The following IFT88 variants were observed in gnomAD, a reference collection of about 807,000 sequenced individuals.
IFT88 encodes intraflagellar transport 88.
A neutral mutation model predicts 119.5 loss-of-function variants in IFT88; 74 were observed. That is an observed-to-expected ratio of 0.62 (90% confidence interval 0.51 to 0.75). The LOEUF is 0.75. Among genes scored for constraint, IFT88 ranks in the 30% least tolerant of loss-of-function variants. IFT88 has a pLI of 0.00. For synonymous variants in IFT88, 279 were observed against 316.7 expected (o/e 0.88, Z 1.26); for missense variants, 961 against 977.7 (o/e 0.98, Z 0.23).
At chr13:20,608,033 C>G (rs1215398212) in intron 13 of IFT88, 1 of 559,034 alleles carries the variant, frequency 1.8e-6, no homozygotes, top group Admixed American at 2.3e-5. Context: ...AGAAGCCCCA[C>G]CAATGGCCTC....
At chr13:20,618,571 A>C (rs1364709162) in intron 14 of IFT88, among the ~76,000 whole-genome samples, 1 of 152,192 alleles carries the variant, frequency 6.6e-6, no homozygotes, top group Non-Finnish European at 1.5e-5. Context: ...TATAAATCCC[A>C]CATACAGCTC....
chr13:20,604,825 T>G (rs535297817), intron 12 of IFT88, among the ~76,000 whole-genome samples: 3 of 152,128 alleles, frequency 2.0e-5, no homozygotes, highest in Admixed American at 6.5e-5. Flanking sequence ...CATCATGGCA[T>G]GCCCCTGTAG....
chr13:20,641,139 C>A (rs1425226782), intron 17 of IFT88, 151 bp from the exon 18 acceptor site: 2 of 541,856 alleles, frequency 3.7e-6, no homozygotes, highest in South Asian at 2.5e-5. Context: ...AGGAGTGAGA[C>A]CCTGTATCAA....
chr13:20,568,730 CT>C (rs1239240227), intron 1 of IFT88, among the ~76,000 whole-genome samples: 3 of 149,418 alleles, frequency 2.0e-5, no homozygotes, highest in Non-Finnish European at 1.5e-5. Context: ...CTTTTTTTTT[CT>C]TTTTGAGACG....
chr13:20,613,417 A>T (rs951360824), intron 13 of IFT88, among the ~76,000 whole-genome samples: 3 of 93,766 alleles, frequency 3.2e-5, no homozygotes, highest in Non-Finnish European at 6.9e-5. Flanking sequence ...GTATGCTATA[A>T]TAAAAAAGAA....
At chr13:20,596,656 A>T (rs756102053) in intron 8 of IFT88, among the ~76,000 whole-genome samples, 3 of 152,156 alleles carry the variant, frequency 2.0e-5, no homozygotes, top group Non-Finnish European at 2.9e-5. Context: ...GCTTTTTGGG[A>T]ATCTAACTTG....
intron 1 of IFT88, chr13:20,567,732 A>G: frequency 7.7e-7 from 1 of 1,297,954 alleles, no homozygotes; most frequent in Non-Finnish European, 9.8e-7. Flanking sequence ...GTACACAACA[A>G]TGCAGAAAGC....
rs1036771354 is a variant in IFT88, at chr13:20,605,031, C to G, written c.1042-4C>G. On this transcript the variant is annotated splice_polypyrimidine_tract_variant and splice_region_variant and intron_variant, in intron 12 of 25. Transcript: ENST00000351808. The stretch of plus-strand genomic sequence containing the variant: ...TCTTTTTTTCTTCCATTTTATTTTA[C>G]CAGGATGATCCTCATACTAACTTAG... The G allele has an allele frequency of 4.4e-6, 6 of 1,367,608 alleles. No individual in the cohort carries two copies. Among genetic ancestry groups the G allele is most frequent in the Non-Finnish European group, 6.2e-6 (6 of 966,142 alleles). The allele number at this position is 1,367,608 out of a possible 1,614,324, so 84.7% of individuals were successfully genotyped here.
chr13:20,656,988 A>G lies in IFT88; in HGVS notation c.2068+558A>G, dbSNP rs377341363. On this transcript the variant is annotated intron_variant, in intron 22 of 25. Coordinates refer to ENST00000351808, the MANE Select transcript of IFT88 (RefSeq NM_006531.5). ...ATTCTCCTGCCTCAGCCTCCCTAGT[A>G]GCTGGGACTCTAGGCGCGCACCACC... Among the ~76,000 whole-genome samples, 85 of 152,146 alleles carry G rather than the reference A, an allele frequency of 5.6e-4. 1 individual carries two copies. The South Asian group carries it at 0.016, about 29-fold the overall frequency.
intron 21 of IFT88, 145 bp downstream of exon 21, chr13:20,654,073 A>G: frequency 4.7e-6 from 2 of 428,718 alleles, no homozygotes; most frequent in Non-Finnish European, 8.3e-6. Flanking sequence ...CATTGTATGA[A>G]AAACACAATA....
intron 2 of IFT88, among the ~76,000 whole-genome samples, chr13:20,580,388 G>C (rs925006590): frequency 1.1e-4 from 16 of 152,034 alleles, no homozygotes; most frequent in African/African-American, 3.9e-4. Flanking sequence ...GTGGTGGCGG[G>C]CACCTGTAAT....
chr13:20,655,026 A>T (rs533156013), intron 21 of IFT88, among the ~76,000 whole-genome samples: 1 of 152,300 alleles, frequency 6.6e-6, no homozygotes, highest in East Asian at 1.9e-4. Context: ...CTCATTTGCT[A>T]AGATTTTAGG....
chr13:20,618,383 A>G lies in IFT88; in HGVS notation c.1199+2504A>G, dbSNP rs181563997. Among the ~76,000 whole-genome samples the G allele has an allele frequency of 1.4e-3, 211 of 152,278 alleles. No homozygotes were observed. The Middle Eastern group carries it at 0.031, about 22-fold the overall frequency. On this transcript the variant is annotated intron_variant, in intron 14 of 25. Transcript: ENST00000351808. ...TTTACATTTGTGTCAAGCCTCCCCA[A>G]GTGATTCTGATACCTACTATACTGT...
intron 9 of IFT88, among the ~76,000 whole-genome samples, chr13:20,597,690 G>T (rs2041942279): frequency 6.6e-6 from 1 of 151,084 alleles, no homozygotes; most frequent in South Asian, 2.1e-4. Context: ...CTTGCGGCGA[G>T]CCAAGATCTT....
intron 14 of IFT88, among the ~76,000 whole-genome samples, chr13:20,623,302 T>G (rs111529235): frequency 8.1e-4 from 124 of 152,342 alleles, no homozygotes; most frequent in African/African-American, 2.9e-3. Flanking sequence ...TGGAGTCCCT[T>G]GAAATTGCGT....
intron 23 of IFT88, among the ~76,000 whole-genome samples, chr13:20,666,818 T>C (rs1037885206): frequency 6.6e-6 from 1 of 152,138 alleles, no homozygotes; most frequent in African/African-American, 2.4e-5. Flanking sequence ...CAAAAATATA[T>C]AAAGAAAAAA....
At chr13:20,594,285 T>C (rs1593945577) in intron 7 of IFT88, among the ~76,000 whole-genome samples, 1 of 152,136 alleles carries the variant, frequency 6.6e-6, no homozygotes, top group East Asian at 1.9e-4. Flanking sequence ...GTAACTGATA[T>C]AGTCTAGAGG....
Position 20,598,692 on chromosome 13 carries a change from G to A in IFT88, c.636G>A (p.Met212Ile), listed in dbSNP as rs760893377. 5.0e-6 allele frequency: 8 copies of A among 1,611,302 alleles called. No individual in the cohort carries two copies. Among genetic ancestry groups the A allele is most frequent in the South Asian group, 2.2e-5 (2 of 90,950 alleles). ...CCAGTCAGTATTCAGTTAATGAAAT[G>A]TATGCCGAAGCACTTAACACTTATC... ...NLASQYSVNE[M>I]YAEALNTYQV... The change falls in exon 10 of 26, where the codon ATG becomes ATA. Residue 212 changes from methionine (M) to isoleucine (I), a missense_variant. Met to Ile is a conservative substitution (Grantham distance 10). Coordinates refer to ENST00000351808, the MANE Select transcript of IFT88 (RefSeq NM_006531.5).
At chr13:20,582,579 G>T (rs188490085) in intron 2 of IFT88, among the ~76,000 whole-genome samples, 8 of 152,120 alleles carry the variant, frequency 5.3e-5, no homozygotes, top group Non-Finnish European at 1.0e-4. Context: ...AAAGACAGGG[G>T]GATGGTGGGG....
Sources: allele counts gnomAD v4.1 joint callset (sites outside exome capture counted in the v4.1 genomes callset), GRCh38; gene constraint gnomAD v4.1.1; transcripts MANE v1.5; gene names NCBI Gene and HGNC (gene_info 2026-07-23, HGNC 2026-07-21).